Variants in CRACD observed in about 807,000 individuals in gnomAD.
The protein encoded by CRACD is capping protein-inhibiting regulator of actin dynamics.
In CRACD, 56 loss-of-function variants were observed where a neutral mutation model predicts 106.8. The ratio of observed to expected loss-of-function variants is 0.52; its 90% CI spans 0.42 to 0.66. The LOEUF (loss-of-function observed/expected upper bound fraction) is 0.66, where lower values mean the gene tolerates loss of function less well. Among genes scored for constraint, CRACD ranks in the 30% least tolerant of loss-of-function variants. The pLI is 0.00. For synonymous variants in CRACD, 754 were observed against 670.8 expected (o/e 1.12, Z -1.92); for missense variants, 1,730 against 1,623.2 (o/e 1.07, Z -1.13).
intron 1 of CRACD, among the ~76,000 whole-genome samples, chr4:56,111,931 G>C (rs1734136591): frequency 6.6e-6 from 1 of 152,226 alleles, no homozygotes; most frequent in Non-Finnish European, 1.5e-5. Context: ...ATGTATAGTA[G>C]AGGAAGCACG....
intron 1 of CRACD, among the ~76,000 whole-genome samples, chr4:56,063,070 AG>A (rs984813583): frequency 3.7e-4 from 27 of 72,422 alleles, no homozygotes; most frequent in African/African-American, 2.5e-3. Flanking sequence ...GAAGGAAGAA[AG>A]GAAAGGAAGG....
At chr4:56,239,014 G>A (rs562812977) in intron 2 of CRACD, among the ~76,000 whole-genome samples, 4 of 152,234 alleles carry the variant, frequency 2.6e-5, no homozygotes, top group African/African-American at 4.8e-5. Context: ...CACTTCAGGC[G>A]GGGTGCAATG....
chr4:56,262,555 G>C (rs1342505006), intron 2 of CRACD, among the ~76,000 whole-genome samples: 5 of 152,142 alleles, frequency 3.3e-5, no homozygotes, highest in Non-Finnish European at 7.3e-5. Context: ...ATTAGTGTAA[G>C]TGTATTTTAT....
chr4:56,282,870 C>T lies in CRACD; in HGVS notation c.-17+10378C>T, dbSNP rs569613188. On this transcript the variant is annotated intron_variant, in intron 3 of 10. Coordinates refer to ENST00000682029, the MANE Select transcript of CRACD (RefSeq NM_001393381.1). ...TTTCATTGTTCCTTTCGCATAGATG[C>T]TATCTTTCGCAGATAGTGGCACCAG... 3.4e-3 allele frequency among the ~76,000 whole-genome samples: 524 copies of T among 152,340 alleles called. 2 individuals carry two copies. The highest frequency in any genetic ancestry group is 0.011 in the African/African-American group (441 of 41,580).
chr4:56,203,420 G>A (rs1305116787), intron 2 of CRACD, among the ~76,000 whole-genome samples: 3 of 152,160 alleles, frequency 2.0e-5, no homozygotes, highest in South Asian at 2.1e-4. Context: ...AGCTTCTGAC[G>A]CTGCAGGATG....
chr4:56,280,228 G>A (rs1311898852), intron 3 of CRACD, among the ~76,000 whole-genome samples: 1 of 151,560 alleles, frequency 6.6e-6, no homozygotes, highest in Non-Finnish European at 1.5e-5. Flanking sequence ...CACCAACATG[G>A]CACATGTATA....
intron 2 of CRACD, among the ~76,000 whole-genome samples, chr4:56,180,836 G>C (rs1577717372): frequency 6.6e-6 from 1 of 152,132 alleles, no homozygotes; most frequent in Non-Finnish European, 1.5e-5. Context: ...GCACCCCTTA[G>C]GGAGTCACTT....
intron 1 of CRACD, among the ~76,000 whole-genome samples, chr4:56,062,680 C>A (rs533364916): frequency 6.6e-6 from 1 of 152,182 alleles, no homozygotes; most frequent in Non-Finnish European, 1.5e-5. Context: ...CTTCTGCTGA[C>A]GTGGAATCCA....
At chr4:56,063,618 A>T (rs1026734457) in intron 1 of CRACD, among the ~76,000 whole-genome samples, 1 of 152,000 alleles carries the variant, frequency 6.6e-6, no homozygotes. Flanking sequence ...TATAACTGGG[A>T]TCTCATGTAA....
At chr4:56,264,779 G>C (rs972791092) in intron 2 of CRACD, among the ~76,000 whole-genome samples, 1 of 152,196 alleles carries the variant, frequency 6.6e-6, no homozygotes, top group African/African-American at 2.4e-5. Context: ...CTGCAGTAAA[G>C]ACAGGCATAA....
At chr4:56,067,460 T>G (rs1732499886) in intron 1 of CRACD, among the ~76,000 whole-genome samples, 1 of 152,260 alleles carries the variant, frequency 6.6e-6, no homozygotes, top group South Asian at 2.1e-4. Context: ...AATCTAATTC[T>G]TTGCCTGGGC....
At chr4:56,151,240 T>G (rs913222968) in intron 1 of CRACD, among the ~76,000 whole-genome samples, 1 of 152,162 alleles carries the variant, frequency 6.6e-6, no homozygotes, top group African/African-American at 2.4e-5. Flanking sequence ...CCTCAGGCGA[T>G]CTGCCTGCCT....
chr4:56,249,038 T>C (rs1419878409), intron 2 of CRACD, among the ~76,000 whole-genome samples: 1 of 84,300 alleles, frequency 1.2e-5, no homozygotes, highest in Admixed American at 1.5e-4. Flanking sequence ...TAAACATACA[T>C]GTGCATGTGT....
chr4:56,109,194 C>A (rs1365689102), intron 1 of CRACD, among the ~76,000 whole-genome samples: 1 of 152,218 alleles, frequency 6.6e-6, no homozygotes, highest in Non-Finnish European at 1.5e-5. Context: ...CCTTCAGCAC[C>A]TGACCCTATA....
At chr4:56,260,882 TATCC>T (rs11276099) in intron 2 of CRACD, among the ~76,000 whole-genome samples, 6,953 of 149,890 alleles carry the variant, frequency 0.046, 248 homozygotes, top group African/African-American at 0.089. Context: ...TCTGTCTGTG[TATCC>T]ATCCATCCAT....
chr4:56,190,833 C>T (rs1185202034), intron 2 of CRACD, among the ~76,000 whole-genome samples: 3 of 152,098 alleles, frequency 2.0e-5, no homozygotes, highest in Non-Finnish European at 4.4e-5. Flanking sequence ...AATCCAACCC[C>T]ACATTTCCCT....
At chr4:56,251,840 A>G (rs1741071096) in intron 2 of CRACD, among the ~76,000 whole-genome samples, 2 of 152,104 alleles carry the variant, frequency 1.3e-5, no homozygotes. Context: ...TAGATAAATC[A>G]TTGTTGACTC....
chr4:56,203,465 G>A (rs1279762163), intron 2 of CRACD, among the ~76,000 whole-genome samples: 1 of 152,150 alleles, frequency 6.6e-6, no homozygotes, highest in Non-Finnish European at 1.5e-5. Context: ...TGGACCCTGG[G>A]TGCTCTGCCA....
chr4:56,095,085 C>T (rs1312765304), intron 1 of CRACD, among the ~76,000 whole-genome samples: 1 of 152,132 alleles, frequency 6.6e-6, no homozygotes, highest in Non-Finnish European at 1.5e-5. Context: ...AGGCTGGGTG[C>T]TCGCGCCTGT....
Sources: allele counts gnomAD v4.1 joint callset (sites outside exome capture counted in the v4.1 genomes callset), GRCh38; gene constraint gnomAD v4.1.1; transcripts MANE v1.5; gene names NCBI Gene and HGNC (gene_info 2026-07-23, HGNC 2026-07-21).